Variants in KIF1B observed in about 807,000 individuals in gnomAD.
The protein encoded by KIF1B is kinesin family member 1B, also known as kinesin-like protein KIF1B.
Under a neutral mutation model 241.9 loss-of-function variants are expected in KIF1B, and 76 were observed. The observed-to-expected ratio is 0.31, with a 90% CI of 0.26 to 0.38. The LOEUF (loss-of-function observed/expected upper bound fraction) is 0.38. Among genes scored for constraint, KIF1B ranks in the 10% least tolerant of loss-of-function variants. The pLI, the probability that KIF1B is intolerant of heterozygous loss-of-function variation, is 1.00. For synonymous variants in KIF1B, 750 were observed against 796.7 expected, an observed-to-expected ratio of 0.94 and a Z score of 0.99; for missense variants, 1,622 against 2,271.4, an observed-to-expected ratio of 0.71 and a Z score of 5.81.
chr1:10,344,124 C>T lies in KIF1B; in HGVS notation c.3688+837C>T, dbSNP rs542535230. ...GAAAGATTGAGCTGATTCGGTTTCT[C>T]GTGTCTGGCTATGTGAATGTGCATA... On this transcript the variant is annotated intron_variant, in intron 34 of 48. Coordinates refer to ENST00000676179, the MANE Select transcript of KIF1B (RefSeq NM_001365951.3). Among the ~76,000 whole-genome samples, 20 of 152,290 alleles carry T rather than the reference C, an allele frequency of 1.3e-4. 1 individual carries two copies. The highest frequency in any genetic ancestry group is 4.3e-4 in the African/African-American group (18 of 41,570).
At chr1:10,245,566 AG>A (rs1322598757) in intron 2 of KIF1B, among the ~76,000 whole-genome samples, 1 of 152,254 alleles carries the variant, frequency 6.6e-6, no homozygotes, top group Admixed American at 6.5e-5. Flanking sequence ...GAGAGGATAA[AG>A]GAAGGATCAT....
At chr1:10,320,205 A>G (rs1392837253) in intron 23 of KIF1B, 69 bp downstream of exon 23, 2 of 1,052,242 alleles carry the variant, frequency 1.9e-6, no homozygotes, top group Non-Finnish European at 2.9e-6. Context: ...TTAGTCATTT[A>G]TGCATAATCA....
At chr1:10,317,546 C>A (rs1400753480) in intron 22 of KIF1B, among the ~76,000 whole-genome samples, 3 of 151,232 alleles carry the variant, frequency 2.0e-5, no homozygotes, top group Non-Finnish European at 2.9e-5. Context: ...AAAACATTGC[C>A]TGAGGCCAGG....
intron 44 of KIF1B, among the ~76,000 whole-genome samples, chr1:10,368,846 C>A (rs1020375292): frequency 6.6e-6 from 1 of 152,056 alleles, no homozygotes; most frequent in Admixed American, 6.6e-5. Flanking sequence ...TTATTCTTTG[C>A]CAGGGTACAA....
chr1:10,237,611 C>T (rs530676417), intron 2 of KIF1B, among the ~76,000 whole-genome samples: 4 of 152,024 alleles, frequency 2.6e-5, no homozygotes, highest in Non-Finnish European at 5.9e-5. Flanking sequence ...CTGTTTATTA[C>T]TCATATTATA....
chr1:10,249,387 C>G (rs370331493), intron 2 of KIF1B, among the ~76,000 whole-genome samples: 1 of 151,976 alleles, frequency 6.6e-6, no homozygotes, highest in Non-Finnish European at 1.5e-5. Context: ...TATTGCACAG[C>G]TATACACTGT....
chr1:10,282,508 G>A lies in KIF1B; in HGVS notation c.1409G>A (p.Gly470Glu). Residue 470 changes from glycine (G) to glutamate (E), a missense_variant, in exon 15 of 49, where the codon GGA (glycine) becomes GAA (glutamate). By Grantham distance (98) the Gly-to-Glu change is moderately conservative. Around this residue, in one of 7 missense-constraint regions of KIF1B, gnomAD observed 57 missense variants for 149.0 expected, o/e 0.38. Coordinates refer to ENST00000676179, the MANE Select transcript of KIF1B (RefSeq NM_001365951.3). The part of the protein sequence containing the change: ...IQERIMSTPG[G>E]EEAIERLKES... ...GAGAGGATCATGTCTACACCTGGAGGAGAGGAAGCTATTGAACGTTTAAAG... is the reference window on the plus strand; with the variant it reads ...GAGAGGATCATGTCTACACCTGGAGAAGAGGAAGCTATTGAACGTTTAAAG... 1.2e-6 allele frequency: 2 copies of A among 1,614,142 alleles called. No individual in the cohort carries two copies. The highest frequency in any genetic ancestry group is 1.7e-6 in the Non-Finnish European group (2 of 1,179,986).
At position 10,376,834 on chromosome 1, in the gene KIF1B, A is replaced by C. The variant is rs1638902882; in HGVS notation, c.*247A>C. 9.1e-6 allele frequency: 4 copies of C among 441,788 alleles called. No homozygotes were observed. The highest frequency in any genetic ancestry group is 6.4e-5 in the South Asian group (3 of 46,542). The allele number at this position is 441,788 out of a possible 1,614,324, so 27.4% of individuals were successfully genotyped here. ...CTAACAAAAGGAAAAAATGTTTTTA[A>C]ACACACACACACACACACACACACA... On this transcript the variant is annotated 3_prime_UTR_variant, in exon 49 of 49. Coordinates refer to ENST00000676179, the MANE Select transcript of KIF1B (RefSeq NM_001365951.3).
At chr1:10,226,486 C>T (rs1225820048) in intron 1 of KIF1B, among the ~76,000 whole-genome samples, 1 of 152,164 alleles carries the variant, frequency 6.6e-6, no homozygotes, top group East Asian at 1.9e-4. Context: ...TTGTTTGTAA[C>T]ATTCAACACT....
intron 22 of KIF1B, chr1:10,304,923 C>T (rs1418119005): frequency 3.9e-6 from 5 of 1,293,954 alleles, no homozygotes; most frequent in South Asian, 3.6e-5. Flanking sequence ...AATATACTTA[C>T]TTACACAGAC....
Position 10,376,632 on chromosome 1 carries a change from A to T in KIF1B, c.*45A>T. On this transcript the variant is annotated 3_prime_UTR_variant, in exon 49 of 49. Transcript: ENST00000676179. ...TCACTCGCCTTCGAGAGATAAAGAAAGCGTTACCTCTCATTTCTCTTTGTG... is the reference window on the plus strand; with the variant it reads ...TCACTCGCCTTCGAGAGATAAAGAATGCGTTACCTCTCATTTCTCTTTGTG... 1 of 1,557,610 alleles carries T rather than the reference A, an allele frequency of 6.4e-7. No homozygotes were observed. Among genetic ancestry groups the T allele is most frequent in the East Asian group, 2.2e-5 (1 of 44,566 alleles).
chr1:10,276,276 C>T (rs1649103031), intron 11 of KIF1B, 45 bp from the exon 12 acceptor site: 4 of 1,323,526 alleles, frequency 3.0e-6, no homozygotes, highest in Non-Finnish European at 4.4e-6. Context: ...TAAAATTTTT[C>T]TTCTAAAATG....
At position 10,326,896 on chromosome 1, in the gene KIF1B, A is replaced by C. The variant is rs140922953; in HGVS notation, c.2924+537A>C. Among the ~76,000 whole-genome samples the C allele has an allele frequency of 1.1e-4, 17 of 152,324 alleles. No homozygotes were observed. The highest frequency in any genetic ancestry group is 4.1e-4 in the African/African-American group (17 of 41,566). On this transcript the variant is annotated intron_variant, in intron 27 of 48. Coordinates refer to ENST00000676179, the MANE Select transcript of KIF1B (RefSeq NM_001365951.3). This position sits in a 1 kb window ranked among gnomAD's most constrained non-coding sequence, Gnocchi z 5.2. ...GCTTAGTCTACTGAATCCTAAAAAG[A>C]ATCAGGAAAGTTAAGCTTCTCCTTT...
In KIF1B at chr1:10,320,820, G is replaced by GCCTCAC. The variant is rs33928167; in HGVS notation, c.2209+688_2209+689insACCCTC. 2.5e-4 allele frequency among the ~76,000 whole-genome samples: 7 copies of GCCTCAC among 27,530 alleles called. No individual in the cohort carries two copies. The East Asian group carries it at 3.2e-3, about 13-fold the overall frequency. 18.1% of individuals were successfully genotyped at this position (27,530 alleles called of 152,430 possible). On this transcript the variant is annotated intron_variant, in intron 23 of 48. Transcript: ENST00000676179. ...TAGCTCACTGCAACCTCCGCCTCCT[G>GCCTCAC]CCTCCTAAGTAGTTGGGATTACAGG...
In KIF1B at chr1:10,361,800, A is replaced by C; in HGVS notation, c.4279A>C (p.Ser1427Arg). ...PPRSLRSLFG[S>R]GYSKSPDSNR... is the part of the protein sequence containing the mutation. Reference sequence around the variant, plus strand: ...ACGCTCTCTGCGTAGCCTCTTTGGCAGCGGCTACTCAAAGTCACCAGATTC... The same window carrying C: ...ACGCTCTCTGCGTAGCCTCTTTGGCCGCGGCTACTCAAAGTCACCAGATTC... Residue 1427 changes from serine (S) to arginine (R), a missense_variant, in exon 40 of 49, where the codon AGC (serine) becomes CGC (arginine). By Grantham distance (110) the Ser-to-Arg change is moderately radical. This residue lies in a region of KIF1B where 803 missense variants were observed against 1,112.0 expected (regional missense o/e 0.72). Coordinates refer to ENST00000676179, the MANE Select transcript of KIF1B (RefSeq NM_001365951.3). The C allele has an allele frequency of 6.2e-7, 1 of 1,614,136 alleles. No individual in the cohort carries two copies. Among genetic ancestry groups the C allele is most frequent in the South Asian group, 1.1e-5 (1 of 91,080 alleles).
chr1:10,228,378 C>T (rs547484418), intron 1 of KIF1B, among the ~76,000 whole-genome samples: 13 of 151,880 alleles, frequency 8.6e-5, no homozygotes, highest in African/African-American at 2.7e-4. Context: ...AAAAAAGTAT[C>T]GTAAGCTTAT....
intron 1 of KIF1B, among the ~76,000 whole-genome samples, chr1:10,223,556 T>G (rs1299190851): frequency 7.3e-5 from 11 of 151,024 alleles, no homozygotes; most frequent in South Asian, 2.1e-4. Context: ...GTTTTTTTTT[T>G]TTTTTTTTTT....
chr1:10,231,368 G>C (rs941580985), intron 1 of KIF1B, among the ~76,000 whole-genome samples: 8 of 139,154 alleles, frequency 5.7e-5, no homozygotes, highest in South Asian at 2.3e-4. Context: ...TGTATGGAGA[G>C]TTCAGTGCCC....
At chr1:10,314,666 C>T (rs950315410) in intron 22 of KIF1B, among the ~76,000 whole-genome samples, 5 of 151,740 alleles carry the variant, frequency 3.3e-5, no homozygotes, top group East Asian at 1.9e-4. Context: ...GTGATCCACC[C>T]GCCTCTGCCT....
Sources: gnomAD v4.1 joint callset for allele counts (sites outside exome capture counted in the v4.1 genomes callset) on GRCh38, gnomAD v4.1.1 for gene constraint, gnomAD v4.1.1 regional missense constraint, Gnocchi (gnomAD v3.1) non-coding constraint, MANE v1.5 for transcripts, NCBI Gene and HGNC (gene_info 2026-07-23, HGNC 2026-07-21) for gene names.